Variants in MRPS28 observed in about 807,000 individuals in gnomAD.
MRPS28 encodes the protein mitochondrial ribosomal protein S28.
MRPS28 carries 7 observed loss-of-function variants against 10.8 expected under a neutral mutation model. The ratio of observed to expected loss-of-function variants is 0.65; its 90% CI spans 0.37 to 1.22. MRPS28 has a LOEUF of 1.22. MRPS28 is among the 50% of genes most tolerant of loss of function. MRPS28 has a pLI of 0.02. For missense variants in MRPS28, 265 were observed against 232.9 expected (o/e 1.14, Z -0.90); for synonymous variants, 121 against 93.3 (o/e 1.30, Z -1.71).
At chr8:79,984,515 G>A (rs1808090331) in intron 2 of MRPS28, among the ~76,000 whole-genome samples, 1 of 152,196 alleles carries the variant, frequency 6.6e-6, no homozygotes, top group African/African-American at 2.4e-5. Context: ...TCAGTGCGCT[G>A]TATTCAGGAG....
intron 2 of MRPS28, among the ~76,000 whole-genome samples, chr8:79,968,492 C>G (rs79406452): frequency 0.053 from 8,124 of 152,186 alleles, 354 homozygotes; most frequent in African/African-American, 0.11. Context: ...GTTACAGAGC[C>G]ACTGTTCTAT....
intron 2 of MRPS28, among the ~76,000 whole-genome samples, chr8:79,987,500 TG>T (rs1808223032): frequency 6.6e-6 from 1 of 151,988 alleles, no homozygotes; most frequent in Admixed American, 6.6e-5. Context: ...ACCTACAGAA[TG>T]GGAGAAAATT....
In MRPS28 at chr8:80,017,344, G is replaced by A. The variant is rs1809221481; in HGVS notation, c.213+12692C>T. Among the ~76,000 whole-genome samples, 2 of 152,052 alleles carry A rather than the reference G, an allele frequency of 1.3e-5. 1 individual carries two copies. Among genetic ancestry groups the A allele is most frequent in the South Asian group, 4.2e-4 (2 of 4,818 alleles). On this transcript the variant is annotated intron_variant, in intron 1 of 2. Transcript: ENST00000276585. ...AATAGAATCAACGAAAGCAAAAGTT[G>A]GTTATTTGAGGTAAGCTTCTAGCCA...
intron 1 of MRPS28, among the ~76,000 whole-genome samples, chr8:80,028,370 A>C (rs1809543263): frequency 6.6e-6 from 1 of 151,972 alleles, no homozygotes; most frequent in South Asian, 2.1e-4. Context: ...GCCTTACCTT[A>C]AGGATGGATC....
intron 2 of MRPS28, among the ~76,000 whole-genome samples, chr8:79,935,499 C>T (rs1806585036): frequency 6.6e-6 from 1 of 152,160 alleles, no homozygotes; most frequent in East Asian, 1.9e-4. Flanking sequence ...TCCACCATTA[C>T]TTTAAGGCCA....
intron 2 of MRPS28, among the ~76,000 whole-genome samples, chr8:79,979,174 G>C (rs907924311): frequency 6.6e-6 from 1 of 152,086 alleles, no homozygotes; most frequent in Admixed American, 6.5e-5. Context: ...TTATAATACG[G>C]GAGCCTTTAT....
chr8:79,942,941 A>G (rs1346992185), intron 2 of MRPS28, among the ~76,000 whole-genome samples: 1 of 152,258 alleles, frequency 6.6e-6, no homozygotes, highest in Non-Finnish European at 1.5e-5. Context: ...AATTCAGTCA[A>G]AACTACTTCA....
intron 2 of MRPS28, among the ~76,000 whole-genome samples, chr8:79,986,539 C>T (rs1320584639): frequency 1.3e-5 from 2 of 152,114 alleles, no homozygotes; most frequent in African/African-American, 2.4e-5. Context: ...TTGTCTCAGC[C>T]CAAAATCTCC....
At chr8:79,938,236 G>GA (rs1806661513) in intron 2 of MRPS28, among the ~76,000 whole-genome samples, 1 of 151,048 alleles carries the variant, frequency 6.6e-6, no homozygotes, top group Non-Finnish European at 1.5e-5. Flanking sequence ...AGGTGGGGGG[G>GA]GGCATGCTCC....
chr8:79,991,981 T>G (rs1401241388), intron 2 of MRPS28, among the ~76,000 whole-genome samples: 1 of 150,630 alleles, frequency 6.6e-6, no homozygotes, highest in Non-Finnish European at 1.5e-5. Flanking sequence ...ATGGGGGAAG[T>G]TGCTATGTTG....
intron 2 of MRPS28, among the ~76,000 whole-genome samples, chr8:79,945,830 G>C (rs1308452323): frequency 1.3e-5 from 2 of 152,090 alleles, no homozygotes; most frequent in African/African-American, 4.8e-5. Context: ...GCCCATTCAA[G>C]TAATCCTGTG....
At chr8:80,002,919 C>G (rs983169532) in intron 2 of MRPS28, 80 bp downstream of exon 2, 2 of 1,177,974 alleles carry the variant, frequency 1.7e-6, no homozygotes, top group African/African-American at 1.6e-5. Context: ...TTCAAAAAAT[C>G]ACCTTTCATT....
intron 2 of MRPS28, among the ~76,000 whole-genome samples, chr8:79,992,713 G>A (rs1414431945): frequency 2.6e-5 from 4 of 152,190 alleles, no homozygotes; most frequent in African/African-American, 9.6e-5. Context: ...CCCTGAAAGT[G>A]TAATTTCAGT....
chr8:79,939,599 C>A lies in MRPS28; in HGVS notation c.396-20451G>T, dbSNP rs139128475. On this transcript the variant is annotated intron_variant, in intron 2 of 2. Coordinates refer to ENST00000276585, the MANE Select transcript of MRPS28 (RefSeq NM_014018.3). The stretch of plus-strand genomic sequence containing the variant: ...AATGTACTTGCCTCCCTAGTACCTG[C>A]CTCAATTTCCGACATGGTTTTTAGA... Among the ~76,000 whole-genome samples the A allele has an allele frequency of 5.3e-4, 80 of 152,266 alleles. No individual in the cohort carries two copies. The East Asian group carries it at 7.5e-3, about 14-fold the overall frequency.
At chr8:79,975,788 T>C (rs1807780701) in intron 2 of MRPS28, among the ~76,000 whole-genome samples, 1 of 152,192 alleles carries the variant, frequency 6.6e-6, no homozygotes, top group Admixed American at 6.5e-5. Context: ...TTAAAGAATG[T>C]ACAACCAACC....
intron 2 of MRPS28, among the ~76,000 whole-genome samples, chr8:79,933,255 G>C (rs907787263): frequency 1.3e-5 from 2 of 152,172 alleles, no homozygotes; most frequent in Non-Finnish European, 2.9e-5. Flanking sequence ...TCTGGTGAAG[G>C]CTCTCTTCCC....
At chr8:79,957,455 C>A (rs557656677) in intron 2 of MRPS28, 1 of 151,638 alleles carries the variant, frequency 6.6e-6, no homozygotes, top group Admixed American at 6.6e-5. Context: ...TGCCTGTCAT[C>A]CCAGCACTTT....
chr8:79,965,193 G>A (rs1807473707), intron 2 of MRPS28, among the ~76,000 whole-genome samples: 1 of 152,016 alleles, frequency 6.6e-6, no homozygotes, highest in Admixed American at 6.6e-5. Context: ...CACTATTTTA[G>A]GGGCCAGATA....
chr8:79,923,866 A>G (rs979225359), intron 2 of MRPS28, among the ~76,000 whole-genome samples: 2 of 152,188 alleles, frequency 1.3e-5, no homozygotes, highest in African/African-American at 2.4e-5. Flanking sequence ...GAAAAGGGCA[A>G]TTAAATCTGG....
Sources: gnomAD v4.1 joint callset for allele counts (sites outside exome capture counted in the v4.1 genomes callset) on GRCh38, gnomAD v4.1.1 for gene constraint, MANE v1.5 for transcripts, NCBI Gene and HGNC (gene_info 2026-07-23, HGNC 2026-07-21) for gene names.